The following SERINC1 variants were observed in gnomAD, a reference collection of about 807,000 sequenced individuals.
The protein encoded by SERINC1 is tumor differentially expressed protein 2.
SERINC1 carries 38 observed loss-of-function variants against 52.9 expected under a neutral mutation model. That is an observed-to-expected ratio of 0.72 (90% confidence interval 0.55 to 0.94). The LOEUF (loss-of-function observed/expected upper bound fraction) is 0.94. Ranked by LOEUF, SERINC1 falls within the 40% of genes least tolerant of loss-of-function variation. SERINC1 has a pLI of 0.00. For synonymous variants in SERINC1, 198 were observed against 183.1 expected (o/e 1.08, Z -0.66); for missense variants, 471 against 533.9 (o/e 0.88, Z 1.16).
chr6:122,454,546 G>A (rs2114480864), intron 3 of SERINC1: 1 of 261,074 alleles, frequency 3.8e-6, no homozygotes, highest in Non-Finnish European at 7.7e-6. Context: ...ACATGTGAAA[G>A]GAATGGATTA....
Position 122,454,226 on chromosome 6 carries a change from A to C in SERINC1, c.376T>G (p.Trp126Gly). ...ATTGCTGCAGCAAATTTAAAGAACC[A>C]AAATCTAAAACAAAAAGAAATATAA... Reference protein sequence around the residue: ...DPRAAVHNGFWFFKFAAAIAI... With the variant: ...DPRAAVHNGFGFFKFAAAIAI... The change falls in exon 4 of 10, where the codon TGG (tryptophan) becomes GGG (glycine). Residue 126 changes from tryptophan (W) to glycine (G), a missense_variant. Coordinates refer to ENST00000339697, the MANE Select transcript of SERINC1 (RefSeq NM_020755.4). 6.5e-7 allele frequency: 1 copy of C among 1,531,688 alleles called. No homozygotes were observed. Among genetic ancestry groups the C allele is most frequent in the Non-Finnish European group, 8.9e-7 (1 of 1,119,466 alleles). The allele number at this position is 1,531,688 out of a possible 1,614,324, so 94.9% of individuals were successfully genotyped here.
intron 1 of SERINC1, among the ~76,000 whole-genome samples, chr6:122,463,320 T>C (rs897423187): frequency 2.0e-5 from 3 of 152,114 alleles, no homozygotes; most frequent in Non-Finnish European, 4.4e-5. Flanking sequence ...CTAGATACCA[T>C]ATAAAAAACA....
Position 122,456,563 on chromosome 6 carries a change from A to C in SERINC1, c.289T>G (p.Leu97Val). ...YKAVYRLCFGLAMFYLLLSLL... is the reference protein window; with the variant it reads ...YKAVYRLCFGVAMFYLLLSLL... The stretch of plus-strand genomic sequence containing the variant: ...GAGAGAAGAAGATAGAACATAGCCA[A>C]ACCAAAGCACAAACGATATACAGCT... The change falls in exon 3 of 10, where the codon TTG becomes GTG. Residue 97 changes from leucine to valine, a missense_variant. Physicochemically the swap from Leu to Val is conservative, Grantham distance 32. Coordinates refer to ENST00000339697, the MANE Select transcript of SERINC1 (RefSeq NM_020755.4). 6.2e-7 allele frequency: 1 copy of C among 1,613,108 alleles called. No homozygotes were observed. Among genetic ancestry groups the C allele is most frequent in the Non-Finnish European group, 8.5e-7 (1 of 1,179,358 alleles).
At chr6:122,455,574 G>A (rs1774979396) in intron 3 of SERINC1, among the ~76,000 whole-genome samples, 1 of 152,034 alleles carries the variant, frequency 6.6e-6, no homozygotes. Flanking sequence ...TTGAGATCAT[G>A]TGAGATAATA....
rs748037019 is a variant in SERINC1 at position 122,445,094 on chromosome 6, C to T, written c.1312G>A (p.Val438Ile). The T allele has an allele frequency of 6.2e-6, 10 of 1,613,952 alleles. No individual in the cohort carries two copies. In the Admixed American group the frequency reaches 1.3e-4, roughly 22 times the overall value. Reference sequence around the variant, plus strand: ...ACAAGTGGTGCCACGAGTGTCCAAACATACAGCACGATGCCAATCCAACTG... The same window carrying T: ...ACAAGTGGTGCCACGAGTGTCCAAATATACAGCACGATGCCAATCCAACTG... Reference protein sequence around the residue: ...SSSWIGIVLYVWTLVAPLVLT... With the variant: ...SSSWIGIVLYIWTLVAPLVLT... Residue 438 changes from valine (V) to isoleucine (I), a missense_variant, in exon 10 of 10, where the codon GTT becomes ATT. Transcript: ENST00000339697.
intron 1 of SERINC1, among the ~76,000 whole-genome samples, chr6:122,459,762 GAAGT>G (rs1187496778): frequency 2.6e-5 from 4 of 151,954 alleles, no homozygotes; most frequent in African/African-American, 4.8e-5. Flanking sequence ...CCTCAAAAAT[GAAGT>G]AAGAACAGAA....
At chr6:122,463,811 C>T (rs550772405) in intron 1 of SERINC1, among the ~76,000 whole-genome samples, 115 of 152,188 alleles carry the variant, frequency 7.6e-4, no homozygotes, top group African/African-American at 2.7e-3. Flanking sequence ...ATCAAACATG[C>T]ACTTACTGTA....
At chr6:122,454,453 T>C in intron 3 of SERINC1, 1 of 463,544 alleles carries the variant, frequency 2.2e-6, no homozygotes, top group Non-Finnish European at 3.9e-6. Context: ...AAATTAACCA[T>C]TACCATGAAC....
chr6:122,457,064 C>T (rs983128185), intron 2 of SERINC1, among the ~76,000 whole-genome samples: 4 of 152,098 alleles, frequency 2.6e-5, no homozygotes, highest in African/African-American at 9.7e-5. Flanking sequence ...TTTCCAGTCC[C>T]AGCACTCTAA....
rs75254937 is a variant in SERINC1 at position 122,470,324 on chromosome 6, C to T, written c.39+1375G>A. On this transcript the variant is annotated intron_variant, in intron 1 of 9. Coordinates refer to ENST00000339697, the MANE Select transcript of SERINC1 (RefSeq NM_020755.4). ...TCTTCTAATCAATAAAGGTGGCGATCTATTTTGTAAAAGGGAAAACATGTA... is the reference window on the plus strand; with the variant it reads ...TCTTCTAATCAATAAAGGTGGCGATTTATTTTGTAAAAGGGAAAACATGTA... Among the ~76,000 whole-genome samples the T allele has an allele frequency of 2.2e-3, 335 of 152,276 alleles. 8 individuals carry two copies. The East Asian group carries it at 0.043, about 20-fold the overall frequency.
intron 1 of SERINC1, among the ~76,000 whole-genome samples, chr6:122,471,009 T>C (rs1441980997): frequency 1.3e-5 from 2 of 150,964 alleles, no homozygotes; most frequent in East Asian, 2.0e-4. Context: ...AAATTTCAGA[T>C]GACACACGCA....
intron 1 of SERINC1, among the ~76,000 whole-genome samples, chr6:122,468,031 G>GTA (rs1228636050): frequency 2.0e-5 from 3 of 152,096 alleles, no homozygotes; most frequent in African/African-American, 7.2e-5. Context: ...AATGGGAGTG[G>GTA]TATACTATTT....
chr6:122,453,914 G>C lies in SERINC1; in HGVS notation c.452-7C>G. On this transcript the variant is annotated splice_region_variant and splice_polypyrimidine_tract_variant and intron_variant, in intron 4 of 9. Transcript: ENST00000339697. ...ATGCCTACATAAAACCACACTGAAA[G>C]GGAAAGAAAGCATACATAAGTGATT... 6.3e-7 allele frequency: 1 copy of C among 1,581,274 alleles called. No individual in the cohort carries two copies. Among genetic ancestry groups the C allele is most frequent in the Non-Finnish European group, 8.6e-7 (1 of 1,161,272 alleles).
chr6:122,471,796 C>T lies in SERINC1; in HGVS notation c.-59G>A, dbSNP rs550881238. 31 of 1,612,292 alleles carry T rather than the reference C, an allele frequency of 1.9e-5. 1 individual carries two copies. In the East Asian group the frequency reaches 6.7e-4, roughly 35 times the overall value. Reference sequence around the variant, plus strand: ...AAGATGGAGACAGCTTCTTTCTCGCCTTTCCGAGATTATTTACTATCTGCG... The same window carrying T: ...AAGATGGAGACAGCTTCTTTCTCGCTTTTCCGAGATTATTTACTATCTGCG... On this transcript the variant is annotated 5_prime_UTR_variant, in exon 1 of 10. Coordinates refer to ENST00000339697, the MANE Select transcript of SERINC1 (RefSeq NM_020755.4).
intron 1 of SERINC1, among the ~76,000 whole-genome samples, chr6:122,464,960 G>C (rs1336109055): frequency 1.3e-5 from 2 of 151,994 alleles, no homozygotes; most frequent in African/African-American, 2.4e-5. Flanking sequence ...AAAGATGGCA[G>C]ACTGAATATA....
Position 122,451,755 on chromosome 6 carries a change from C to CAGAAATTGTCTTTTTG in SERINC1, c.760-2_760-1insCAAAAAGACAATTTCT. ...ACAAACCAGATCTTGGTTGTGATTCCTACAAAAAAAAAAAAAAAAAAATAT... is the reference window on the plus strand; with the variant it reads ...ACAAACCAGATCTTGGTTGTGATTCCAGAAATTGTCTTTTTGTACAAAAAAAAAAAAAAAAAAATAT... On this transcript the variant is annotated splice_acceptor_variant, in intron 6 of 9. Coordinates refer to ENST00000339697, the MANE Select transcript of SERINC1 (RefSeq NM_020755.4). LOFTEE classifies it high-confidence loss of function. The CAGAAATTGTCTTTTTG allele has an allele frequency of 6.4e-6, 1 of 156,366 alleles. No homozygotes were observed. The highest frequency in any genetic ancestry group is 8.5e-6 in the Non-Finnish European group (1 of 117,226). 9.7% of individuals were successfully genotyped at this position (156,366 alleles called of 1,614,324 possible).
In SERINC1 at chr6:122,457,765, G is replaced by A. The variant is rs539605475; in HGVS notation, c.201+755C>T. 1.2e-4 allele frequency among the ~76,000 whole-genome samples: 18 copies of A among 150,866 alleles called. No homozygotes were observed. The South Asian group carries it at 3.4e-3, about 28-fold the overall frequency. On this transcript the variant is annotated intron_variant, in intron 2 of 9. Transcript: ENST00000339697. ...TGTTGTCTTAAGCCACCCAGCCTAT[G>A]ATATTCTTGTTATAGCAGCCTGAAC...
chr6:122,451,617 C>T (rs377154814), intron 7 of SERINC1, 47 bp downstream of exon 7: 7 of 732,986 alleles, frequency 9.5e-6, no homozygotes, highest in Non-Finnish European at 1.4e-5. Flanking sequence ...TCTGGAAAAA[C>T]AACAACTGCA....
At chr6:122,455,008 T>C (rs1049545007) in intron 3 of SERINC1, among the ~76,000 whole-genome samples, 6 of 152,230 alleles carry the variant, frequency 3.9e-5, no homozygotes, top group Non-Finnish European at 5.9e-5. Flanking sequence ...ATTTAAGTAT[T>C]GTTAACTTTA....
Sources: gnomAD v4.1 joint callset for allele counts (sites outside exome capture counted in the v4.1 genomes callset) on GRCh38, gnomAD v4.1.1 for gene constraint, MANE v1.5 for transcripts, NCBI Gene and HGNC (gene_info 2026-07-23, HGNC 2026-07-21) for gene names.